Variants in CACNA2D3 observed in about 807,000 individuals in gnomAD.
CACNA2D3 encodes calcium voltage-gated channel auxiliary subunit alpha2delta 3.
Under a neutral mutation model 160.6 loss-of-function variants are expected in CACNA2D3, and 60 were observed. The observed-to-expected ratio is 0.37, with a 90% CI of 0.30 to 0.46. The LOEUF is 0.46. CACNA2D3 is among the 20% of genes least tolerant of loss of function. The pLI is 1.00. For synonymous variants in CACNA2D3, 558 were observed against 492.9 expected, an observed-to-expected ratio of 1.13 and a Z score of -1.75; for missense variants, 1,205 against 1,365.0, an observed-to-expected ratio of 0.88 and a Z score of 1.85.
At chr3:55,073,924 T>A in intron 37 of CACNA2D3, 65 bp downstream of exon 37, 11 of 1,339,664 alleles carry the variant, frequency 8.2e-6, no homozygotes, top group Non-Finnish European at 1.2e-5. Flanking sequence ...CTCACACTGG[T>A]CAAAGAACTA....
At position 54,896,846 on chromosome 3, in the gene CACNA2D3, G is replaced by A. The variant is rs919065922; in HGVS notation, c.2344G>A (p.Val782Ile). The A allele has an allele frequency of 9.9e-6, 16 of 1,613,818 alleles. No individual in the cohort carries two copies. The highest frequency in any genetic ancestry group is 3.3e-5 in the South Asian group (3 of 91,086). Residue 782 changes from valine (V) to isoleucine (I), a missense_variant, in exon 26 of 38, where the codon GTC becomes ATC. Physicochemically the swap from Val to Ile is conservative, Grantham distance 29. Coordinates refer to ENST00000474759, the MANE Select transcript of CACNA2D3 (RefSeq NM_018398.3). Reference protein sequence around the residue: ...RAAEQIPGSFVYSIPFSTGPV... With the variant: ...RAAEQIPGSFIYSIPFSTGPV... The stretch of plus-strand genomic sequence containing the variant: ...CGCTGAGCAGATTCCAGGGAGCTTC[G>A]TCTACTCGATCCCATTCAGCACTGG...
At chr3:54,129,985 G>A (rs1699676433) in intron 2 of CACNA2D3, among the ~76,000 whole-genome samples, 1 of 152,204 alleles carries the variant, frequency 6.6e-6, no homozygotes, top group Non-Finnish European at 1.5e-5. Flanking sequence ...ACTGAGTCAC[G>A]CCAGTCCAAC....
intron 11 of CACNA2D3, among the ~76,000 whole-genome samples, chr3:54,743,780 AG>A (rs561984292): frequency 2.9e-4 from 44 of 152,312 alleles, no homozygotes; most frequent in African/African-American, 9.6e-4. Context: ...TTGGAGGGCA[AG>A]GGAAGCAGGA....
intron 35 of CACNA2D3, among the ~76,000 whole-genome samples, chr3:55,028,753 T>G (rs1345141180): frequency 6.6e-6 from 1 of 152,002 alleles, no homozygotes; most frequent in Non-Finnish European, 1.5e-5. Context: ...ATTAGGTTTT[T>G]GTTTTTGTTT....
chr3:55,011,952 C>T (rs528254740), intron 34 of CACNA2D3, among the ~76,000 whole-genome samples: 1 of 152,182 alleles, frequency 6.6e-6, no homozygotes, highest in Admixed American at 6.5e-5. Flanking sequence ...AAAATAAAAT[C>T]AATAGAGCCC....
At chr3:54,136,081 T>A (rs1320461893) in intron 2 of CACNA2D3, among the ~76,000 whole-genome samples, 1 of 152,222 alleles carries the variant, frequency 6.6e-6, no homozygotes, top group African/African-American at 2.4e-5. Flanking sequence ...TTCTAGTTTA[T>A]GCGGAAGGGT....
chr3:54,593,089 C>G (rs915734272), intron 9 of CACNA2D3, among the ~76,000 whole-genome samples: 1 of 152,106 alleles, frequency 6.6e-6, no homozygotes. Flanking sequence ...AGAACAAATA[C>G]CCACTTTTAT....
chr3:54,220,556 T>C (rs1440201650), intron 2 of CACNA2D3, among the ~76,000 whole-genome samples: 2 of 152,114 alleles, frequency 1.3e-5, no homozygotes, highest in African/African-American at 4.8e-5. Context: ...CTTAGTGCTC[T>C]TCCCACCATC....
chr3:54,732,841 G>C (rs1701416845), intron 11 of CACNA2D3, among the ~76,000 whole-genome samples: 1 of 152,148 alleles, frequency 6.6e-6, no homozygotes, highest in Non-Finnish European at 1.5e-5. Context: ...AAAGTCAAAA[G>C]GTCAGAGCAC....
At position 54,525,459 on chromosome 3, in the gene CACNA2D3, T is replaced by C. The variant is rs770184028; in HGVS notation, c.544+21805T>C. Among the ~76,000 whole-genome samples the C allele has an allele frequency of 7.4e-4, 113 of 152,326 alleles. No individual in the cohort carries two copies. In the Middle Eastern group the frequency reaches 0.01, roughly 14 times the overall value. The stretch of plus-strand genomic sequence containing the variant: ...ACTTTGAATTACCATCTTGGGTTAT[T>C]TGCTCTAAGCATGCAGAACTTCTTT... On this transcript the variant is annotated intron_variant, in intron 5 of 37. Coordinates refer to ENST00000474759, the MANE Select transcript of CACNA2D3 (RefSeq NM_018398.3).
chr3:54,350,969 T>TTTTG (rs1698544562), intron 3 of CACNA2D3, among the ~76,000 whole-genome samples: 3 of 43,714 alleles, frequency 6.9e-5, no homozygotes, highest in Non-Finnish European at 9.7e-5. Context: ...CTTGAGTCTG[T>TTTTG]TTTTTTTTTT....
intron 17 of CACNA2D3, among the ~76,000 whole-genome samples, chr3:54,852,439 C>G (rs1311492457): frequency 6.6e-6 from 1 of 152,208 alleles, no homozygotes; most frequent in Non-Finnish European, 1.5e-5. Context: ...CTGGAAAACT[C>G]AGATGAACTC....
rs550702601 is a variant in CACNA2D3, at chr3:54,609,620, A to T, written c.964-18167A>T. Among the ~76,000 whole-genome samples, 5 of 152,338 alleles carry T rather than the reference A, an allele frequency of 3.3e-5. No individual in the cohort carries two copies. In the East Asian group the frequency reaches 7.7e-4, roughly 23 times the overall value. On this transcript the variant is annotated intron_variant, in intron 9 of 37. Coordinates refer to ENST00000474759, the MANE Select transcript of CACNA2D3 (RefSeq NM_018398.3). ...ATCTTAACACGTCCGCTAATAGGGA[A>T]CAGAGAGGAGGGGGTTTTGTGGTCA...
At chr3:54,664,831 C>T (rs770107630) in intron 11 of CACNA2D3, among the ~76,000 whole-genome samples, 10 of 152,070 alleles carry the variant, frequency 6.6e-5, no homozygotes, top group Non-Finnish European at 1.0e-4. Context: ...GGGGCAAACC[C>T]GTGGCTGGAG....
chr3:54,819,228 A>C (rs1703530610), intron 14 of CACNA2D3, among the ~76,000 whole-genome samples: 1 of 152,206 alleles, frequency 6.6e-6, no homozygotes, highest in African/African-American at 2.4e-5. Flanking sequence ...TGGGTAAGTT[A>C]CTTAACCTCT....
At chr3:54,375,035 G>A (rs1698986628) in intron 3 of CACNA2D3, among the ~76,000 whole-genome samples, 1 of 152,134 alleles carries the variant, frequency 6.6e-6, no homozygotes, top group Admixed American at 6.5e-5. Context: ...TGTACTTGCA[G>A]TTCCCTCATC....
At chr3:54,529,499 A>T (rs1220874209) in intron 5 of CACNA2D3, among the ~76,000 whole-genome samples, 1 of 152,190 alleles carries the variant, frequency 6.6e-6, no homozygotes, top group Non-Finnish European at 1.5e-5. Flanking sequence ...TGCTGACATC[A>T]GCGGGGTGGA....
intron 5 of CACNA2D3, among the ~76,000 whole-genome samples, chr3:54,512,413 G>T (rs960162485): frequency 6.6e-6 from 1 of 152,196 alleles, no homozygotes; most frequent in Admixed American, 6.5e-5. Context: ...TTTACTGAGA[G>T]CTCAATTGTT....
Position 54,559,068 on chromosome 3 carries a change from A to T in CACNA2D3, c.545-3732A>T, listed in dbSNP as rs561398137. On this transcript the variant is annotated intron_variant, in intron 5 of 37. Coordinates refer to ENST00000474759, the MANE Select transcript of CACNA2D3 (RefSeq NM_018398.3). Reference sequence around the variant, plus strand: ...CTTCCTCATCATTAATAACTCATGTAGTCATTCTCAAACTTTTCATCCTGA... The same window carrying T: ...CTTCCTCATCATTAATAACTCATGTTGTCATTCTCAAACTTTTCATCCTGA... Among the ~76,000 whole-genome samples, 159 of 152,128 alleles carry T rather than the reference A, an allele frequency of 1.0e-3. 2 individuals carry two copies. The highest frequency in any genetic ancestry group is 1.3e-4 in the Non-Finnish European group (9 of 67,990).
Sources: allele counts gnomAD v4.1 joint callset (sites outside exome capture counted in the v4.1 genomes callset), GRCh38; gene constraint gnomAD v4.1.1; transcripts MANE v1.5; gene names NCBI Gene and HGNC (gene_info 2026-07-23, HGNC 2026-07-21).